CC2D2A: variants seen among roughly 807,000 people sequenced by gnomAD.
CC2D2A encodes the protein coiled-coil and C2 domain containing 2A.
A neutral mutation model predicts 212.9 loss-of-function variants in CC2D2A; 155 were observed. The ratio of observed to expected loss-of-function variants is 0.73; its 90% CI spans 0.64 to 0.83. The LOEUF (loss-of-function observed/expected upper bound fraction) is 0.83, where lower values mean the gene tolerates loss of function less well. Among genes scored for constraint, CC2D2A ranks in the 40% least tolerant of loss-of-function variants. CC2D2A has a pLI of 0.00. For synonymous variants in CC2D2A, 667 were observed against 686.5 expected, an observed-to-expected ratio of 0.97 and a Z score of 0.44; for missense variants, 1,856 against 1,956.2, an observed-to-expected ratio of 0.95 and a Z score of 0.97.
chr4:15,499,738 G>C (rs900873458), intron 4 of CC2D2A, among the ~76,000 whole-genome samples: 1 of 152,008 alleles, frequency 6.6e-6, no homozygotes, highest in African/African-American at 2.4e-5. Flanking sequence ...TTTGAAAAAG[G>C]CTTCTGACTG....
chr4:15,503,123 C>T (rs1242343545), intron 6 of CC2D2A, among the ~76,000 whole-genome samples, 200 bp downstream of exon 6: 1 of 151,736 alleles, frequency 6.6e-6, no homozygotes, highest in Non-Finnish European at 1.5e-5. Context: ...AGAGCAAGAC[C>T]CCACCCCTAC....
chr4:15,527,381 A>AT, intron 11 of CC2D2A, 66 bp from the exon 12 acceptor site: 1 of 1,209,178 alleles, frequency 8.3e-7, no homozygotes, highest in East Asian at 2.4e-5. Context: ...CCCATTGTGG[A>AT]TTAGAGAATC....
Position 15,553,204 on chromosome 4 carries a change from G to A in CC2D2A, c.2385G>A (p.Leu795=). Residue 795 remains leucine, a synonymous_variant, in exon 19 of 37, where the codon CTG becomes CTA. Transcript: ENST00000424120. The part of the protein sequence containing the change: ...FEADGSNQLT[L]MTSGKVSHSV... ...CTGATGGCAGTAACCAGCTGACTCT[G>A]ATGACCTCAGGGAAAGTGTCTCATA... 1 of 1,609,930 alleles carries A rather than the reference G, an allele frequency of 6.2e-7. No individual in the cohort carries two copies. Among genetic ancestry groups the A allele is most frequent in the Non-Finnish European group, 8.5e-7 (1 of 1,178,428 alleles).
rs1717662518 is a variant in CC2D2A, at chr4:15,528,847, A to G, written c.1466+121A>G. ...ATACATGTGAAATTATGCCATATAAAACAATCAAATACATCTATCATATTA... is the reference window on the plus strand; with the variant it reads ...ATACATGTGAAATTATGCCATATAAGACAATCAAATACATCTATCATATTA... On this transcript the variant is annotated intron_variant, in intron 13 of 36. Transcript: ENST00000424120. 6.1e-6 allele frequency: 4 copies of G among 654,200 alleles called. No individual in the cohort carries two copies. The South Asian group carries it at 6.2e-5, about 10-fold the overall frequency. The allele number at this position is 654,200 out of a possible 1,614,324, so 40.5% of individuals were successfully genotyped here.
In CC2D2A at chr4:15,511,250, C is replaced by T. The variant is rs1336343256; in HGVS notation, c.544C>T (p.Pro182Ser). The T allele has an allele frequency of 6.3e-7, 1 of 1,597,124 alleles. No homozygotes were observed. Among genetic ancestry groups the T allele is most frequent in the Non-Finnish European group, 8.5e-7 (1 of 1,172,850 alleles). Residue 182 changes from proline to serine, a missense_variant, in exon 8 of 37, where the codon CCA (proline) becomes TCA (serine). Pro to Ser is a moderately conservative substitution (Grantham distance 74, BLOSUM62 -1). Transcript: ENST00000424120. ...ARKIKPKPQV[P>S]PGFPSAEEAY... Reference sequence around the variant, plus strand: ...ATTGCTCCTTGCTTTTCGTTAGGTTCCACCTGGCTTCCCTTCTGCAGAAGA... The same window carrying T: ...ATTGCTCCTTGCTTTTCGTTAGGTTTCACCTGGCTTCCCTTCTGCAGAAGA...
intron 8 of CC2D2A, 130 bp downstream of exon 8, chr4:15,511,553 T>G: frequency 1.2e-6 from 1 of 821,264 alleles, no homozygotes; most frequent in Non-Finnish European, 1.8e-6. Context: ...CACGTCTGAG[T>G]TGAAATCCCA....
chr4:15,524,726 C>T (rs966566188), intron 11 of CC2D2A, among the ~76,000 whole-genome samples: 2 of 152,230 alleles, frequency 1.3e-5, no homozygotes, highest in Non-Finnish European at 2.9e-5. Context: ...GCTGGGATTA[C>T]AGGCGTGAGC....
At chr4:15,563,193 G>A (rs1204964718) in intron 23 of CC2D2A, among the ~76,000 whole-genome samples, 162 bp from the exon 24 acceptor site, 4 of 152,200 alleles carry the variant, frequency 2.6e-5, no homozygotes, top group Non-Finnish European at 5.9e-5. Flanking sequence ...GTAGGATCTC[G>A]CCCATTTGGG....
intron 4 of CC2D2A, among the ~76,000 whole-genome samples, chr4:15,495,663 T>G (rs1715575217): frequency 6.6e-6 from 1 of 152,226 alleles, no homozygotes; most frequent in South Asian, 2.1e-4. Context: ...TTCCATGTAT[T>G]TGCTATTGTG....
intron 11 of CC2D2A, among the ~76,000 whole-genome samples, chr4:15,526,638 T>G (rs1473440659): frequency 6.6e-6 from 1 of 152,220 alleles, no homozygotes; most frequent in Admixed American, 6.5e-5. Flanking sequence ...AAAGGAAGGA[T>G]CAAGTGATGT....
intron 4 of CC2D2A, among the ~76,000 whole-genome samples, chr4:15,501,766 A>G (rs1577329145): frequency 6.6e-6 from 1 of 152,300 alleles, no homozygotes; most frequent in East Asian, 1.9e-4. Flanking sequence ...ATACCCGGTG[A>G]TCATAATACC....
chr4:15,553,757 G>C (rs1481175099), intron 19 of CC2D2A, among the ~76,000 whole-genome samples: 1 of 152,158 alleles, frequency 6.6e-6, no homozygotes, highest in Non-Finnish European at 1.5e-5. Flanking sequence ...ACTCAGAACA[G>C]AAGAAAGGCA....
intron 17 of CC2D2A, among the ~76,000 whole-genome samples, chr4:15,549,563 G>C (rs1461953935): frequency 6.6e-6 from 1 of 152,232 alleles, no homozygotes; most frequent in Admixed American, 6.5e-5. Context: ...AGCACATGGG[G>C]AAGCTGAGGA....
chr4:15,492,942 G>C, intron 4 of CC2D2A: 1 of 520,772 alleles, frequency 1.9e-6, no homozygotes, highest in South Asian at 1.5e-5. Flanking sequence ...TCTGATGCCT[G>C]CTTCACCACC....
At chr4:15,489,086 T>C (rs544425724) in intron 4 of CC2D2A, among the ~76,000 whole-genome samples, 1 of 152,258 alleles carries the variant, frequency 6.6e-6, no homozygotes, top group Non-Finnish European at 1.5e-5. Flanking sequence ...ATTACTAACA[T>C]CTGTTTTCCA....
chr4:15,480,886 C>T (rs1030247680), intron 4 of CC2D2A, 59 bp downstream of exon 4: 12 of 1,573,788 alleles, frequency 7.6e-6, no homozygotes, highest in Non-Finnish European at 1.0e-5. Context: ...GAGCTCAGCA[C>T]AGAGCAGTAT....
intron 11 of CC2D2A, among the ~76,000 whole-genome samples, chr4:15,518,182 A>G (rs1716993203): frequency 6.6e-6 from 1 of 152,222 alleles, no homozygotes; most frequent in Non-Finnish European, 1.5e-5. Context: ...TCATTTCAGC[A>G]TCAACTCAAA....
intron 11 of CC2D2A, among the ~76,000 whole-genome samples, chr4:15,517,165 T>C (rs1328089114): frequency 6.6e-6 from 1 of 152,000 alleles, no homozygotes; most frequent in East Asian, 1.9e-4. Context: ...GCCAGGATGG[T>C]CTCGATCTCC....
In CC2D2A at chr4:15,550,931, G is replaced by A. The variant is rs769073033; in HGVS notation, c.2289G>A (p.Glu763=). Residue 763 remains glutamate (E), a synonymous_variant, in exon 18 of 37, where the codon GAG becomes GAA. Coordinates refer to ENST00000424120, the MANE Select transcript of CC2D2A (RefSeq NM_001378615.1). ...VTGRAPTEEV[E]FSSNQHVTLD... ...GAAGGGCTCCTACTGAAGAAGTGGA[G>A]TTTAGCAGTAATCAGCATGTGACAC... 10 of 1,608,186 alleles carry A rather than the reference G, an allele frequency of 6.2e-6. No homozygotes were observed. Among genetic ancestry groups the A allele is most frequent in the African/African-American group, 5.3e-5 (4 of 74,906 alleles).
Sources: allele counts gnomAD v4.1 joint callset (sites outside exome capture counted in the v4.1 genomes callset), GRCh38; gene constraint gnomAD v4.1.1; transcripts MANE v1.5; gene names NCBI Gene and HGNC (gene_info 2026-07-23, HGNC 2026-07-21).